Variants in BTRC observed in about 807,000 individuals in gnomAD.
BTRC encodes the protein beta-transducin repeat containing E3 ubiquitin protein ligase.
A neutral mutation model predicts 85.5 loss-of-function variants in BTRC; 42 were observed. The observed-to-expected ratio is 0.49, with a 90% CI of 0.38 to 0.64. The LOEUF (loss-of-function observed/expected upper bound fraction) is 0.64, where lower values mean the gene tolerates loss of function less well. BTRC is among the 30% of genes least tolerant of loss of function. The pLI is 0.00. For missense variants in BTRC, 594 were observed against 743.5 expected, an observed-to-expected ratio of 0.80 and a Z score of 2.34; for synonymous variants, 255 against 263.3, an observed-to-expected ratio of 0.97 and a Z score of 0.30.
intron 1 of BTRC, among the ~76,000 whole-genome samples, chr10:101,389,693 C>T (rs1414863712): frequency 3.5e-5 from 5 of 143,078 alleles, no homozygotes; most frequent in Admixed American, 1.5e-4. Context: ...AAACACAGCA[C>T]AGCTCACTGC....
At chr10:101,394,288 A>T (rs992858422) in intron 1 of BTRC, among the ~76,000 whole-genome samples, 1 of 152,230 alleles carries the variant, frequency 6.6e-6, no homozygotes, top group African/African-American at 2.4e-5. Context: ...GGATATTTTT[A>T]GATCTAATTG....
chr10:101,354,543 C>G, intron 1 of BTRC: 1 of 397,068 alleles, frequency 2.5e-6, no homozygotes. Flanking sequence ...TACTGAAAAG[C>G]GGAGGAAGCT....
intron 5 of BTRC, among the ~76,000 whole-genome samples, chr10:101,524,461 A>G (rs1564825202): frequency 6.6e-6 from 1 of 152,174 alleles, no homozygotes; most frequent in Admixed American, 6.5e-5. Context: ...TAAATCATCA[A>G]TCTAATGCTT....
At chr10:101,361,791 AG>A (rs1167539662) in intron 1 of BTRC, among the ~76,000 whole-genome samples, 1 of 152,192 alleles carries the variant, frequency 6.6e-6, no homozygotes, top group Non-Finnish European at 1.5e-5. Context: ...AAGATAACTG[AG>A]ATTAATGTTG....
chr10:101,499,211 G>T (rs1191701092), intron 4 of BTRC, among the ~76,000 whole-genome samples: 2 of 152,050 alleles, frequency 1.3e-5, no homozygotes, highest in Non-Finnish European at 2.9e-5. Flanking sequence ...CAGACACTTG[G>T]CCTGTACCTG....
At chr10:101,541,460 T>C (rs1334556685) in intron 13 of BTRC, among the ~76,000 whole-genome samples, 1 of 151,988 alleles carries the variant, frequency 6.6e-6, no homozygotes, top group Non-Finnish European at 1.5e-5. Flanking sequence ...CGGGGTTTCA[T>C]CATGTTAGCC....
At chr10:101,511,427 T>C (rs967269762) in intron 4 of BTRC, among the ~76,000 whole-genome samples, 1 of 152,226 alleles carries the variant, frequency 6.6e-6, no homozygotes, top group African/African-American at 2.4e-5. Flanking sequence ...TCTTTTCTTT[T>C]TAAACATGAT....
chr10:101,505,745 C>G (rs1217346527), intron 4 of BTRC, among the ~76,000 whole-genome samples: 1 of 151,850 alleles, frequency 6.6e-6, no homozygotes, highest in Non-Finnish European at 1.5e-5. Context: ...CTGAATTTTT[C>G]ATATTTACTA....
At chr10:101,517,084 A>G (rs2062034122) in intron 4 of BTRC, among the ~76,000 whole-genome samples, 1 of 152,346 alleles carries the variant, frequency 6.6e-6, no homozygotes, top group East Asian at 1.9e-4. Context: ...ACAAACTAAT[A>G]ACTTACACAA....
At chr10:101,392,635 G>A (rs1943265191) in intron 1 of BTRC, among the ~76,000 whole-genome samples, 1 of 152,022 alleles carries the variant, frequency 6.6e-6, no homozygotes, top group Admixed American at 6.6e-5. Flanking sequence ...AAATAGTTGG[G>A]ATTACGGGTG....
chr10:101,375,519 A>G (rs1332060225), intron 1 of BTRC, among the ~76,000 whole-genome samples: 1 of 152,242 alleles, frequency 6.6e-6, no homozygotes, highest in Admixed American at 6.5e-5. Flanking sequence ...ACAAGGGTAT[A>G]CATTCAGCAG....
intron 3 of BTRC, 53 bp from the exon 4 acceptor site, chr10:101,479,315 A>G (rs1945776434): frequency 2.3e-6 from 3 of 1,310,944 alleles, no homozygotes; most frequent in African/African-American, 2.9e-5. Flanking sequence ...AAAACAGGAT[A>G]TGGCAGTATT....
rs777105523 is a variant in BTRC, at chr10:101,536,588, C to A, written c.1512C>A (p.Gly504=). The change falls in exon 12 of 15, where the codon GGC becomes GGA. Residue 504 remains glycine (G), a synonymous_variant. Coordinates refer to ENST00000370187, the MANE Select transcript of BTRC (RefSeq NM_033637.4). ...GTGCATGTTTACGAGTGTTAGAAGG[C>A]CATGAGGAATTGGTGCGTTGTATTC... The part of the protein sequence containing the change: ...ECGACLRVLE[G]HEELVRCIRF... 5 of 1,613,804 alleles carry A rather than the reference C, an allele frequency of 3.1e-6. No homozygotes were observed. Among genetic ancestry groups the A allele is most frequent in the Non-Finnish European group, 4.2e-6 (5 of 1,179,818 alleles).
At chr10:101,415,215 G>A in intron 1 of BTRC, among the ~76,000 whole-genome samples, 1 of 151,424 alleles carries the variant, frequency 6.6e-6, no homozygotes, top group East Asian at 1.9e-4. Context: ...GTCTTCTGTT[G>A]CCTGGGCTGG....
chr10:101,529,886 A>G (rs2062254097), intron 6 of BTRC, among the ~76,000 whole-genome samples: 1 of 152,178 alleles, frequency 6.6e-6, no homozygotes, highest in Admixed American at 6.5e-5. Context: ...TGGTGCCAGG[A>G]TTACACTCAG....
intron 1 of BTRC, among the ~76,000 whole-genome samples, chr10:101,425,090 T>C (rs1944214538): frequency 6.6e-6 from 1 of 152,228 alleles, no homozygotes; most frequent in South Asian, 2.1e-4. Context: ...CTTAGGATAA[T>C]GGCTTCTAGC....
At chr10:101,536,703 T>C (rs1225673371) in intron 12 of BTRC, 50 bp downstream of exon 12, 1 of 1,376,976 alleles carries the variant, frequency 7.3e-7, no homozygotes, top group African/African-American at 1.4e-5. Context: ...GTCTTAATCC[T>C]TCCTTATGTT....
At chr10:101,470,576 C>T (rs1945496931) in intron 3 of BTRC, among the ~76,000 whole-genome samples, 1 of 152,164 alleles carries the variant, frequency 6.6e-6, no homozygotes, top group Non-Finnish European at 1.5e-5. Context: ...GTGATCCGAC[C>T]GCCTCAGCCT....
At chr10:101,489,591 A>G (rs1378043980) in intron 4 of BTRC, among the ~76,000 whole-genome samples, 2 of 152,186 alleles carry the variant, frequency 1.3e-5, no homozygotes, top group African/African-American at 2.4e-5. Flanking sequence ...TTTACTACCC[A>G]TGAGCTCAGG....
Sources: allele counts gnomAD v4.1 joint callset (sites outside exome capture counted in the v4.1 genomes callset), GRCh38; gene constraint gnomAD v4.1.1; transcripts MANE v1.5; gene names NCBI Gene and HGNC (gene_info 2026-07-23, HGNC 2026-07-21).